C1orf167: variants seen among roughly 807,000 people sequenced by gnomAD.
C1orf167 encodes the protein uncharacterized protein C1orf167.
C1orf167 carries 153 observed loss-of-function variants against 176.5 expected under a neutral mutation model. That is an observed-to-expected ratio of 0.87 (90% CI 0.76 to 0.99). C1orf167 has a LOEUF of 0.99. Ranked by LOEUF, C1orf167 falls within the 50% of genes least tolerant of loss-of-function variation. C1orf167 has a pLI of 0.00. For synonymous variants in C1orf167, 594 were observed against 752.7 expected (o/e 0.79, Z 3.45); for missense variants, 1,490 against 1,817.7 (o/e 0.82, Z 3.28).
intron 19 of C1orf167, 27 bp downstream of exon 19, chr1:11,788,405 T>C (rs749661442): frequency 7.8e-7 from 1 of 1,275,266 alleles, no homozygotes; most frequent in South Asian, 1.3e-5. Flanking sequence ...CTCTCCACAC[T>C]GACCATCTCC....
intron 2 of C1orf167, among the ~76,000 whole-genome samples, chr1:11,765,628 A>G (rs1157237008): frequency 6.6e-6 from 1 of 151,708 alleles, no homozygotes; most frequent in Non-Finnish European, 1.5e-5. Flanking sequence ...AGCCTCCTAA[A>G]TATCTCTCTG....
chr1:11,784,619 C>T (rs1272458733), intron 15 of C1orf167, 26 bp downstream of exon 15: 1 of 1,211,988 alleles, frequency 8.3e-7, no homozygotes, highest in African/African-American at 1.6e-5. Flanking sequence ...TAAGTGCAGC[C>T]CCACTCTGTG....
chr1:11,766,101 G>A lies in C1orf167; in HGVS notation c.315G>A (p.Gln105=), dbSNP rs1372315544. The change falls in exon 3 of 21, where the codon CAG becomes CAA. Residue 105 remains glutamine (Q), a synonymous_variant. Coordinates refer to ENST00000688073, the MANE Select transcript of C1orf167 (RefSeq NM_001010881.2). The surrounding 1 kb of genome is among the most constrained non-coding windows in gnomAD (Gnocchi z 4.5). ...NSSFWQQSNL[Q]SLARRRQGKA... ...GCTTCTGGCAACAGAGCAACCTGCAGTCCCTGGCCAGGAGGCGCCAAGGGA... is the reference window on the plus strand; with the variant it reads ...GCTTCTGGCAACAGAGCAACCTGCAATCCCTGGCCAGGAGGCGCCAAGGGA... 1 of 1,289,758 alleles carries A rather than the reference G, an allele frequency of 7.8e-7. No individual in the cohort carries two copies. The highest frequency in any genetic ancestry group is 1.5e-5 in the African/African-American group (1 of 65,878). 79.9% of individuals were successfully genotyped at this position (1,289,758 alleles called of 1,614,324 possible). A position where few individuals can be genotyped will look rare whatever the true frequency, so the allele number is the denominator to read the frequency against.
intron 13 of C1orf167, among the ~76,000 whole-genome samples, chr1:11,781,640 G>A (rs1643608953): frequency 6.6e-6 from 1 of 152,196 alleles, no homozygotes; most frequent in African/African-American, 2.4e-5. Flanking sequence ...GCCGGGCGCA[G>A]TGGCTCACGC....
rs146118594 is a variant in C1orf167 at position 11,766,514 on chromosome 1, C to G, written c.728C>G (p.Ser243Cys). The G allele has an allele frequency of 3.8e-5, 48 of 1,273,448 alleles. No individual in the cohort carries two copies. In the East Asian group the frequency reaches 2.6e-3, roughly 68 times the overall value. 78.9% of individuals were successfully genotyped at this position (1,273,448 alleles called of 1,614,324 possible). The stretch of plus-strand genomic sequence containing the variant: ...GCTGCCGTCCACCAGCTGCTGGCTT[C>G]TGTACATTGCCTGGCGCAGGAGGCA... ...SRAAVHQLLA[S>C]VHCLAQEAAR... The change falls in exon 3 of 21, where the codon TCT becomes TGT. Residue 243 changes from serine to cysteine, a missense_variant. Transcript: ENST00000688073. This position sits in a 1 kb window ranked among gnomAD's most constrained non-coding sequence, Gnocchi z 4.5.
In C1orf167 at chr1:11,766,529, C is replaced by A. The variant is rs534738879; in HGVS notation, c.743C>A (p.Ala248Glu). ...CTGCTGGCTTCTGTACATTGCCTGG[C>A]GCAGGAGGCAGCCCGACTCAGGTGC... Reference protein sequence around the residue: ...HQLLASVHCLAQEAARLRCQA... With the variant: ...HQLLASVHCLEQEAARLRCQA... Residue 248 changes from alanine (A) to glutamate (E), a missense_variant, in exon 3 of 21, where the codon GCG becomes GAG. Transcript: ENST00000688073. This position sits in a 1 kb window ranked among gnomAD's most constrained non-coding sequence, Gnocchi z 4.5. 1 of 1,256,558 alleles carries A rather than the reference C, an allele frequency of 8.0e-7. No individual in the cohort carries two copies. The highest frequency in any genetic ancestry group is 1.0e-6 in the Non-Finnish European group (1 of 971,054). 77.8% of individuals were successfully genotyped at this position (1,256,558 alleles called of 1,614,324 possible).
intron 16 of C1orf167, 73 bp from the exon 17 acceptor site, chr1:11,787,315 A>T: frequency 1.1e-6 from 1 of 923,064 alleles, no homozygotes; most frequent in Non-Finnish European, 1.4e-6. Flanking sequence ...TAGAGCAGCG[A>T]AGAAATCCCA....
At chr1:11,771,692 GA>G in intron 7 of C1orf167, 56 bp downstream of exon 7, 1 of 1,184,542 alleles carries the variant, frequency 8.4e-7, no homozygotes, top group Non-Finnish European at 1.1e-6. Flanking sequence ...CGCAGGGCCT[GA>G]GCTCCACACT....
chr1:11,772,041 G>T (rs1557728157), intron 7 of C1orf167, 41 bp from the exon 8 acceptor site: 2 of 1,269,050 alleles, frequency 1.6e-6, no homozygotes. Context: ...CCTCCCATCT[G>T]CTTACTCTCT....
intron 6 of C1orf167, among the ~76,000 whole-genome samples, chr1:11,771,049 G>GTATATATATA (rs869122966): frequency 5.7e-5 from 2 of 34,912 alleles, no homozygotes; most frequent in African/African-American, 2.0e-4. Context: ...GTGTGTGTGT[G>GTATATATATA]TATATATATA....
chr1:11,789,546 A>T lies in C1orf167; in HGVS notation c.*100A>T. 9.3e-7 allele frequency: 1 copy of T among 1,079,556 alleles called. No individual in the cohort carries two copies. Among genetic ancestry groups the T allele is most frequent in the Non-Finnish European group, 1.2e-6 (1 of 816,858 alleles). The allele number at this position is 1,079,556 out of a possible 1,614,324, so 66.9% of individuals were successfully genotyped here. A position where few individuals can be genotyped will look rare whatever the true frequency, so the allele number is the denominator to read the frequency against. On this transcript the variant is annotated 3_prime_UTR_variant, in exon 21 of 21. Transcript: ENST00000688073. Reference sequence around the variant, plus strand: ...GAGTGATGACAGAGGGGACAGCTTGAAGAGCTCTGAAGGACAATAAAACCC... The same window carrying T: ...GAGTGATGACAGAGGGGACAGCTTGTAGAGCTCTGAAGGACAATAAAACCC...
chr1:11,767,014 C>A lies in C1orf167; in HGVS notation c.1228C>A (p.Arg410=). 1.7e-6 allele frequency: 2 copies of A among 1,209,908 alleles called. No individual in the cohort carries two copies. Among genetic ancestry groups the A allele is most frequent in the Non-Finnish European group, 2.1e-6 (2 of 950,086 alleles). 74.9% of individuals were successfully genotyped at this position (1,209,908 alleles called of 1,614,324 possible). ...AGGAGAGGAGGGGGCCCCGAGGGAG[C>A]GGGTCCACAGGGAGGAGGAGAGGAC... ...QKGEEGAPRE[R]VHREEERTAF... The change falls in exon 3 of 21, where the codon CGG becomes AGG. Residue 410 remains arginine, a synonymous_variant. Coordinates refer to ENST00000688073, the MANE Select transcript of C1orf167 (RefSeq NM_001010881.2).
chr1:11,777,701 T>G (rs78329225), intron 10 of C1orf167: 10,555 of 150,696 alleles, frequency 0.07, 409 homozygotes, highest in Middle Eastern at 0.12. Context: ...ATGGTCCACA[T>G]GGACCCTCAG....
chr1:11,763,074 C>T (rs1371442875), intron 1 of C1orf167, among the ~76,000 whole-genome samples: 1 of 152,042 alleles, frequency 6.6e-6, no homozygotes, highest in African/African-American at 2.4e-5. Context: ...AGCCAGGGGG[C>T]TGGTGTGTGT....
Position 11,789,478 on chromosome 1 carries a change from A to G in C1orf167, c.*32A>G. 4 of 1,296,638 alleles carry G rather than the reference A, an allele frequency of 3.1e-6. No individual in the cohort carries two copies. Among genetic ancestry groups the G allele is most frequent in the Non-Finnish European group, 4.1e-6 (4 of 984,568 alleles). The allele number at this position is 1,296,638 out of a possible 1,614,324, so 80.3% of individuals were successfully genotyped here. ...CTCATAGAATAAAAAACAGAACTGA[A>G]CTTAGCCTTCCCAGGGAAGGAACCA... On this transcript the variant is annotated 3_prime_UTR_variant, in exon 21 of 21. Coordinates refer to ENST00000688073, the MANE Select transcript of C1orf167 (RefSeq NM_001010881.2).
At position 11,787,394 on chromosome 1, in the gene C1orf167, A is replaced by G; in HGVS notation, c.3574A>G (p.Ser1192Gly). The G allele has an allele frequency of 7.7e-7, 1 of 1,294,282 alleles. No individual in the cohort carries two copies. The highest frequency in any genetic ancestry group is 1.0e-6 in the Non-Finnish European group (1 of 983,738). The allele number at this position is 1,294,282 out of a possible 1,614,324, so 80.2% of individuals were successfully genotyped here. Residue 1192 changes from serine (S) to glycine (G), a missense_variant, in exon 17 of 21, where the codon AGC becomes GGC. Coordinates refer to ENST00000688073, the MANE Select transcript of C1orf167 (RefSeq NM_001010881.2). ...TCTCTGGCTATTCCTTCAGACCCGCAGCTGCTGGACACAGGCCACAGAGCT... is the reference window on the plus strand; with the variant it reads ...TCTCTGGCTATTCCTTCAGACCCGCGGCTGCTGGACACAGGCCACAGAGCT... ...LGLPGAGKTR[S>G]CWTQATELVP...
intron 1 of C1orf167, 52 bp from the exon 2 acceptor site, chr1:11,764,279 A>G (rs1258425583): frequency 1.3e-5 from 9 of 689,484 alleles, no homozygotes; most frequent in Non-Finnish European, 2.0e-5. Flanking sequence ...GGTAGGGATC[A>G]GAATGGGGTG....
intron 17 of C1orf167, 44 bp downstream of exon 17, chr1:11,787,537 A>G (rs539477910): frequency 3.4e-4 from 418 of 1,240,504 alleles, no homozygotes; most frequent in Non-Finnish European, 4.2e-4. Flanking sequence ...TCTGAAGTGC[A>G]GGGGTGAAGC....
chr1:11,769,229 G>A (rs1557724752), intron 6 of C1orf167, 102 bp downstream of exon 6: 1 of 881,196 alleles, frequency 1.1e-6, no homozygotes, highest in African/African-American at 1.8e-5. Context: ...AATGAAATAA[G>A]CAGATGTGGG....
Sources: gnomAD v4.1 joint callset for allele counts (sites outside exome capture counted in the v4.1 genomes callset) on GRCh38, gnomAD v4.1.1 for gene constraint, Gnocchi (gnomAD v3.1) non-coding constraint, MANE v1.5 for transcripts, NCBI Gene and HGNC (gene_info 2026-07-23, HGNC 2026-07-21) for gene names.